TF: variants seen among roughly 807,000 people sequenced by gnomAD.
TF encodes the protein transferrin.
TF carries 55 observed loss-of-function variants against 82.4 expected under a neutral mutation model. The observed-to-expected ratio is 0.67, with a 90% CI of 0.54 to 0.84. The LOEUF (loss-of-function observed/expected upper bound fraction) is 0.84, where lower values mean the gene tolerates loss of function less well. TF is among the 40% of genes least tolerant of loss of function. TF has a pLI of 0.00. For missense variants in TF, 737 were observed against 868.4 expected (o/e 0.85, Z 1.90); for synonymous variants, 332 against 332.6 (o/e 1.00, Z 0.02).
At chr3:133,756,179 G>A in intron 5 of TF, 103 bp from the exon 6 acceptor site, 2 of 1,156,324 alleles carry the variant, frequency 1.7e-6, no homozygotes, top group South Asian at 1.3e-5. Context: ...GGCTGCACCA[G>A]GCTCTATCCT....
chr3:133,706,842 C>T, the TF span, among the ~76,000 whole-genome samples: 3 of 152,164 alleles, frequency 2.0e-5, no homozygotes, highest in Non-Finnish European at 2.9e-5. Flanking sequence ...TTTCCCTGCT[C>T]ACCTGCAGCA....
chr3:133,778,930 C>T lies in TF; in HGVS notation c.*310C>T. ...CCTACAGCTTTGTGTGTGCCATGGC[C>T]ACATCTCCTGGGTACAGTTCAAGGA... On this transcript the variant is annotated 3_prime_UTR_variant, in exon 17 of 17. Coordinates refer to ENST00000402696, the MANE Select transcript of TF (RefSeq NM_001063.4). 1 of 358,340 alleles carries T rather than the reference C, an allele frequency of 2.8e-6. No individual in the cohort carries two copies. The highest frequency in any genetic ancestry group is 5.4e-6 in the Non-Finnish European group (1 of 186,862). 22.2% of individuals were successfully genotyped at this position (358,340 alleles called of 1,614,324 possible). A position where few individuals can be genotyped will look rare whatever the true frequency, so the allele number is the denominator to read the frequency against.
intron 12 of TF, among the ~76,000 whole-genome samples, chr3:133,766,675 A>G (rs1342088203): frequency 6.6e-6 from 1 of 152,236 alleles, no homozygotes. Context: ...GAGTGAATAT[A>G]CATTTATCTC....
the TF span, among the ~76,000 whole-genome samples, chr3:133,679,476 C>T: frequency 2.0e-5 from 3 of 152,052 alleles, no homozygotes; most frequent in Admixed American, 1.3e-4. Context: ...AAAATGCCCC[C>T]AGTCATTCCT....
the TF span, chr3:133,700,834 C>T: frequency 6.5e-6 from 1 of 152,716 alleles, no homozygotes; most frequent in African/African-American, 2.4e-5. Flanking sequence ...TTACCTTTAC[C>T]TCTATGCCGT....
intron 2 of TF, among the ~76,000 whole-genome samples, chr3:133,751,229 CTTTTTT>C (rs59638732): frequency 3.1e-5 from 3 of 96,016 alleles, no homozygotes; most frequent in Non-Finnish European, 6.0e-5. Flanking sequence ...TAAGATTCCA[CTTTTTT>C]TTTTTTTTTT....
chr3:133,725,885 A>G, the TF span, among the ~76,000 whole-genome samples: 1 of 152,182 alleles, frequency 6.6e-6, no homozygotes, highest in Non-Finnish European at 1.5e-5. Flanking sequence ...GAATTTTGTC[A>G]AATGCCTTTT....
In TF at chr3:133,788,679, G is replaced by A. The variant is rs1385794648; in HGVS notation, c.*10059G>A. 3.9e-5 allele frequency: 6 copies of A among 152,112 alleles called. No individual in the cohort carries two copies. Among genetic ancestry groups the A allele is most frequent in the Non-Finnish European group, 8.8e-5 (6 of 68,054 alleles). The allele number at this position is 152,112 out of a possible 1,614,324, so 9.4% of individuals were successfully genotyped here. ...TCCTTTCCAACTCGGGACCCTTGGT[G>A]GGCAGCGCCTAAACACGGAGGCAAC... is the stretch of plus-strand genomic sequence containing the variant. On this transcript the variant is annotated 3_prime_UTR_variant, in exon 17 of 17. Coordinates refer to ENST00000402696, the MANE Select transcript of TF (RefSeq NM_001063.4).
At chr3:133,771,630 G>A (rs911304931) in intron 14 of TF, among the ~76,000 whole-genome samples, 2 of 151,330 alleles carry the variant, frequency 1.3e-5, no homozygotes, top group African/African-American at 4.9e-5. Context: ...CCAGCTACTC[G>A]GGAGGCTGAG....
At chr3:133,731,296 G>A in the TF span, among the ~76,000 whole-genome samples, 710 of 152,306 alleles carry the variant, frequency 4.7e-3, 4 homozygotes, top group South Asian at 0.026. Context: ...AGGAGCAATG[G>A]GAAGTACAAT....
chr3:133,793,927 A>C lies in TF; in HGVS notation c.*15307A>C, dbSNP rs1018328560. 3 of 152,192 alleles carry C rather than the reference A, an allele frequency of 2.0e-5. No homozygotes were observed. Among genetic ancestry groups the C allele is most frequent in the African/African-American group, 7.2e-5 (3 of 41,444 alleles). The allele number at this position is 152,192 out of a possible 1,614,324, so 9.4% of individuals were successfully genotyped here. A position where few individuals can be genotyped will look rare whatever the true frequency, so the allele number is the denominator to read the frequency against. On this transcript the variant is annotated 3_prime_UTR_variant, in exon 17 of 17. Coordinates refer to ENST00000402696, the MANE Select transcript of TF (RefSeq NM_001063.4). ...ACTGAGTTCTAAAACTGCTAACCCA[A>C]GTAGAACAAAAATTAATTAAATACC... is the stretch of plus-strand genomic sequence containing the variant.
At chr3:133,764,364 A>G in intron 10 of TF, 89 bp downstream of exon 10, 1 of 1,120,602 alleles carries the variant, frequency 8.9e-7, no homozygotes, top group Non-Finnish European at 1.4e-6. Flanking sequence ...TTCATACCAC[A>G]GCTGCCATAA....
the TF span, among the ~76,000 whole-genome samples, chr3:133,736,777 A>T: frequency 1.3e-5 from 2 of 152,146 alleles, no homozygotes; most frequent in Admixed American, 6.5e-5. Flanking sequence ...AATTATCCTA[A>T]ATATATATGC....
In TF at chr3:133,775,516, G is replaced by A. The variant is rs2107934188; in HGVS notation, c.1771G>A (p.Glu591Lys). The change falls in exon 15 of 17, where the codon GAG becomes AAG. Residue 591 changes from glutamate (E) to lysine (K), a missense_variant. Transcript: ENST00000402696. ...CCTTGATGGTACCAGGAAACCTGTGGAGGAGTATGCGAACTGCCACCTGGC... is the reference window on the plus strand; with the variant it reads ...CCTTGATGGTACCAGGAAACCTGTGAAGGAGTATGCGAACTGCCACCTGGC... ...LCLDGTRKPVEEYANCHLARA... is the reference protein window; with the variant it reads ...LCLDGTRKPVKEYANCHLARA... The A allele has an allele frequency of 6.2e-7, 1 of 1,614,198 alleles. No individual in the cohort carries two copies. Among genetic ancestry groups the A allele is most frequent in the Non-Finnish European group, 8.5e-7 (1 of 1,180,032 alleles).
the TF span, among the ~76,000 whole-genome samples, chr3:133,702,601 T>C: frequency 1.3e-5 from 2 of 151,762 alleles, no homozygotes; most frequent in Non-Finnish European, 2.9e-5. Flanking sequence ...TCAGAGATTA[T>C]GTGATGATGA....
intron 13 of TF, 117 bp downstream of exon 13, chr3:133,768,281 G>A (rs1327674672): frequency 1.4e-6 from 2 of 1,396,774 alleles, no homozygotes; most frequent in African/African-American, 1.4e-5. Context: ...TGTATTAAGA[G>A]AGTATATTTC....
chr3:133,751,981 C>T (rs897306939), intron 2 of TF, among the ~76,000 whole-genome samples: 8 of 152,004 alleles, frequency 5.3e-5, no homozygotes, highest in Admixed American at 3.3e-4. Flanking sequence ...GGGACAAGAG[C>T]GAGACTGCTG....
At chr3:133,688,577 A>T in the TF span, among the ~76,000 whole-genome samples, 2 of 152,180 alleles carry the variant, frequency 1.3e-5, no homozygotes, top group African/African-American at 4.8e-5. Context: ...TCATAATCCT[A>T]ATCATAATTA....
At chr3:133,743,621 T>C (rs1448813247), upstream of TF, among the ~76,000 whole-genome samples, 1 of 151,844 alleles carries the variant, frequency 6.6e-6, no homozygotes, top group Non-Finnish European at 1.5e-5. Flanking sequence ...ATCTGTAAGA[T>C]ACAGATGCTA....
Sources: gnomAD v4.1 joint callset for allele counts (sites outside exome capture counted in the v4.1 genomes callset) on GRCh38, gnomAD v4.1.1 for gene constraint, MANE v1.5 for transcripts, NCBI Gene and HGNC (gene_info 2026-07-23, HGNC 2026-07-21) for gene names.